DCAF10: variants seen among roughly 807,000 people sequenced by gnomAD.
DCAF10 encodes DDB1 and CUL4 associated factor 10.
Under a neutral mutation model 51.9 loss-of-function variants are expected in DCAF10, and 19 were observed. The observed-to-expected ratio is 0.37, with a 90% CI of 0.26 to 0.54. DCAF10 has a LOEUF of 0.54. Among genes scored for constraint, DCAF10 ranks in the 20% least tolerant of loss-of-function variants. The pLI is 0.87. For synonymous variants in DCAF10, 291 were observed against 297.1 expected (o/e 0.98, Z 0.21); for missense variants, 510 against 730.6 (o/e 0.70, Z 3.48).
At position 37,801,483 on chromosome 9, in the gene DCAF10, TC is replaced by T; in HGVS notation, c.539+82del. On this transcript the variant is annotated intron_variant, in intron 1 of 6. Coordinates refer to ENST00000377724, the MANE Select transcript of DCAF10 (RefSeq NM_024345.5). This position sits in a 1 kb window ranked among gnomAD's most constrained non-coding sequence, Gnocchi z 5.5. Reference sequence around the variant, plus strand: ...CAGCGGACGGCCGTCCTGGGCTCGCTCCCCGCGCCCGGGCCGAGGTTAGCGA... The same window carrying T: ...CAGCGGACGGCCGTCCTGGGCTCGCTCCCGCGCCCGGGCCGAGGTTAGCGA... 7.5e-7 allele frequency: 1 copy of T among 1,332,276 alleles called. No homozygotes were observed. The highest frequency in any genetic ancestry group is 9.6e-7 in the Non-Finnish European group (1 of 1,039,782). 82.5% of individuals were successfully genotyped at this position (1,332,276 alleles called of 1,614,324 possible).
rs1215581682 is a variant in DCAF10, at chr9:37,819,141, T to C, written c.540-147T>C. 3.5e-5 allele frequency: 21 copies of C among 604,984 alleles called. No homozygotes were observed. In the Admixed American group the frequency reaches 6.4e-4, roughly 18 times the overall value. The allele number at this position is 604,984 out of a possible 1,614,324, so 37.5% of individuals were successfully genotyped here. ...TCCTACTACTCTTGCCAACCACAGATAGTATCAATCTTTTAAACATTTGCT... is the reference window on the plus strand; with the variant it reads ...TCCTACTACTCTTGCCAACCACAGACAGTATCAATCTTTTAAACATTTGCT... On this transcript the variant is annotated intron_variant, in intron 1 of 6. Transcript: ENST00000377724.
At chr9:37,832,729 A>G (rs1198994437) in intron 2 of DCAF10, among the ~76,000 whole-genome samples, 1 of 152,220 alleles carries the variant, frequency 6.6e-6, no homozygotes, top group Non-Finnish European at 1.5e-5. Context: ...CAATTAAAGA[A>G]AATGACATCA....
At chr9:37,800,687 C>T (rs1266914729), upstream of DCAF10, 9 of 1,535,892 alleles carry the variant, frequency 5.9e-6, no homozygotes, top group Admixed American at 1.8e-4. Context: ...GGGACTGCGG[C>T]GCCCCAAACC....
intron 1 of DCAF10, among the ~76,000 whole-genome samples, chr9:37,803,347 A>G (rs1829014330): frequency 6.6e-6 from 1 of 152,120 alleles, no homozygotes. Flanking sequence ...TGCTTATGTT[A>G]ATAAATATAT....
intron 1 of DCAF10, among the ~76,000 whole-genome samples, chr9:37,810,622 C>T (rs1428197569): frequency 6.6e-6 from 1 of 152,044 alleles, no homozygotes; most frequent in Non-Finnish European, 1.5e-5. Context: ...CCACCACGCC[C>T]GGCTAATTTT....
chr9:37,836,562 G>A (rs1009432129), intron 2 of DCAF10, among the ~76,000 whole-genome samples: 2 of 152,166 alleles, frequency 1.3e-5, no homozygotes, highest in Non-Finnish European at 2.9e-5. Flanking sequence ...GAACTTTAAT[G>A]CAAGAACCAC....
At chr9:37,827,529 G>A (rs568759794) in intron 2 of DCAF10, among the ~76,000 whole-genome samples, 1 of 152,150 alleles carries the variant, frequency 6.6e-6, no homozygotes, top group Non-Finnish European at 1.5e-5. Flanking sequence ...TGGATAAAAT[G>A]TAATATATAT....
chr9:37,860,260 A>C, intron 6 of DCAF10, 67 bp downstream of exon 6: 1 of 1,588,164 alleles, frequency 6.3e-7, no homozygotes, highest in South Asian at 1.1e-5. Flanking sequence ...GTGTGTGCAG[A>C]GCTTAGGCCG....
In DCAF10 at chr9:37,861,552, A is replaced by T. The variant is rs1831017892; in HGVS notation, c.*44A>T. On this transcript the variant is annotated 3_prime_UTR_variant, in exon 7 of 7. Coordinates refer to ENST00000377724, the MANE Select transcript of DCAF10 (RefSeq NM_024345.5). The surrounding 1 kb of genome is among the most constrained non-coding windows in gnomAD (Gnocchi z 4.9). The stretch of plus-strand genomic sequence containing the variant: ...AAGGAACTCTTCTGGTGTTTGACTT[A>T]GGAATTGCTTCAATTTAGATGAAGT... 11 of 1,554,642 alleles carry T rather than the reference A, an allele frequency of 7.1e-6. No homozygotes were observed. Among genetic ancestry groups the T allele is most frequent in the Non-Finnish European group, 8.7e-6 (10 of 1,151,620 alleles).
intron 3 of DCAF10, among the ~76,000 whole-genome samples, chr9:37,849,140 A>C (rs1295912826): frequency 6.6e-6 from 1 of 152,152 alleles, no homozygotes; most frequent in Non-Finnish European, 1.5e-5. Context: ...GGTGAACCTT[A>C]AGAAGATTTC....
rs1828920974 is a variant in DCAF10 at position 37,801,147 on chromosome 9, C to A, written c.281C>A (p.Pro94Gln). ...GGAGAGCCGTCACCTCCCTCCCCTC[C>A]GTGCCGGCGGCCCGGGCCAGACTGC... ...APGEPSPPSPPCRRPGPDCRA... is the reference protein window; with the variant it reads ...APGEPSPPSPQCRRPGPDCRA... Residue 94 changes from proline to glutamine, a missense_variant, in exon 1 of 7, where the codon CCG (proline) becomes CAG (glutamine). This residue lies in a region of DCAF10 where 251 missense variants were observed against 227.9 expected (regional missense o/e 1.10). Transcript: ENST00000377724. This position sits in a 1 kb window ranked among gnomAD's most constrained non-coding sequence, Gnocchi z 5.5. 6.5e-7 allele frequency: 1 copy of A among 1,537,348 alleles called. No homozygotes were observed. Among genetic ancestry groups the A allele is most frequent in the Non-Finnish European group, 8.7e-7 (1 of 1,143,914 alleles).
At chr9:37,839,856 T>C (rs1259630592) in intron 2 of DCAF10, among the ~76,000 whole-genome samples, 1 of 152,218 alleles carries the variant, frequency 6.6e-6, no homozygotes, top group Non-Finnish European at 1.5e-5. Context: ...AGTGAACTTC[T>C]CTTTCATTTA....
intron 1 of DCAF10, among the ~76,000 whole-genome samples, chr9:37,803,390 A>G (rs1014684197): frequency 2.6e-5 from 4 of 152,078 alleles, no homozygotes; most frequent in Non-Finnish European, 4.4e-5. Flanking sequence ...ATTAGTTTAA[A>G]TAAAACCTCT....
chr9:37,837,472 AAAAG>A (rs1830203162), intron 2 of DCAF10, among the ~76,000 whole-genome samples: 1 of 138,902 alleles, frequency 7.2e-6, no homozygotes, highest in South Asian at 2.1e-4. Flanking sequence ...AAAAAAAAAA[AAAAG>A]AAAAGAAAAT....
chr9:37,810,931 A>G (rs1013587115), intron 1 of DCAF10, among the ~76,000 whole-genome samples: 2 of 152,334 alleles, frequency 1.3e-5, no homozygotes, highest in African/African-American at 4.8e-5. Context: ...ACTAAAGGCC[A>G]GCTTCAAATA....
At chr9:37,822,504 A>G (rs942372409) in intron 2 of DCAF10, among the ~76,000 whole-genome samples, 8 of 150,620 alleles carry the variant, frequency 5.3e-5, no homozygotes, top group Admixed American at 2.7e-4. Flanking sequence ...GACCTGGATG[A>G]GATTGGAGAC....
intron 1 of DCAF10, among the ~76,000 whole-genome samples, chr9:37,816,126 A>T (rs1034707948): frequency 4.8e-5 from 7 of 145,266 alleles, no homozygotes; most frequent in African/African-American, 1.9e-4. Flanking sequence ...ATTTATTCAA[A>T]TATAAAAAAA....
intron 4 of DCAF10, among the ~76,000 whole-genome samples, chr9:37,855,259 G>A (rs1587129968): frequency 1.3e-5 from 2 of 152,284 alleles, no homozygotes; most frequent in South Asian, 4.1e-4. Flanking sequence ...GCTAGCCACA[G>A]GATCTTTTCA....
intron 3 of DCAF10, among the ~76,000 whole-genome samples, chr9:37,851,488 A>G (rs1830649772): frequency 9.3e-5 from 14 of 150,588 alleles, no homozygotes; most frequent in Admixed American, 7.9e-4. Flanking sequence ...CCAATAAGCA[A>G]ATTTTAAAAT....
Sources: gnomAD v4.1 joint callset for allele counts (sites outside exome capture counted in the v4.1 genomes callset) on GRCh38, gnomAD v4.1.1 for gene constraint, gnomAD v4.1.1 regional missense constraint, Gnocchi (gnomAD v3.1) non-coding constraint, MANE v1.5 for transcripts, NCBI Gene and HGNC (gene_info 2026-07-23, HGNC 2026-07-21) for gene names.